Variants in KRCC1 observed in about 807,000 individuals in gnomAD.
The protein encoded by KRCC1 is lysine rich coiled-coil 1.
A neutral mutation model predicts 7.4 loss-of-function variants in KRCC1; 3 were observed. The observed-to-expected ratio is 0.40, with a 90% CI of 0.18 to 1.04. The LOEUF (loss-of-function observed/expected upper bound fraction) is 1.04, where lower values mean the gene tolerates loss of function less well. KRCC1 is among the 50% of genes least tolerant of loss of function. KRCC1 has a pLI of 0.33. For missense variants in KRCC1, 277 were observed against 300.9 expected, an observed-to-expected ratio of 0.92 and a Z score of 0.59; for synonymous variants, 102 against 101.6, an observed-to-expected ratio of 1.00 and a Z score of -0.02.
chr2:88,054,915 G>A (rs563589876), intron 1 of KRCC1, among the ~76,000 whole-genome samples: 6 of 152,288 alleles, frequency 3.9e-5, no homozygotes, highest in Non-Finnish European at 5.9e-5. Flanking sequence ...GCTGCAGCGA[G>A]CTATGATCGC....
chr2:88,041,619 T>G (rs1421777321), intron 1 of KRCC1, among the ~76,000 whole-genome samples: 1 of 152,212 alleles, frequency 6.6e-6, no homozygotes, highest in African/African-American at 2.4e-5. Flanking sequence ...GTACACATGA[T>G]GGGTAACAGG....
chr2:88,046,268 C>T (rs1673331853), intron 1 of KRCC1, among the ~76,000 whole-genome samples: 1 of 152,134 alleles, frequency 6.6e-6, no homozygotes, highest in South Asian at 2.1e-4. Flanking sequence ...AGTTATGTAA[C>T]CCTGGTCAAG....
rs1558833678 is a variant in KRCC1, at chr2:88,040,009, A to T, written c.-290-2958T>A. ...TTGAGACATCTGTCTCTACAAAAAT[A>T]AATCTTTAATAAGAACAGGTAAATA... On this transcript the variant is annotated intron_variant, in intron 1 of 3. Coordinates refer to ENST00000347055, the MANE Select transcript of KRCC1 (RefSeq NM_016618.3). Among the ~76,000 whole-genome samples, 7 of 152,184 alleles carry T rather than the reference A, an allele frequency of 4.6e-5. No individual in the cohort carries two copies. The South Asian group carries it at 1.2e-3, about 27-fold the overall frequency.
At chr2:88,046,197 T>C (rs1673330371) in intron 1 of KRCC1, among the ~76,000 whole-genome samples, 1 of 152,214 alleles carries the variant, frequency 6.6e-6, no homozygotes, top group African/African-American at 2.4e-5. Flanking sequence ...GTTACTTAGC[T>C]CCATTGCTCC....
chr2:88,033,823 A>G (rs72847764), intron 3 of KRCC1, among the ~76,000 whole-genome samples: 27,378 of 152,164 alleles, frequency 0.18, 2,817 homozygotes, highest in Non-Finnish European at 0.23. Context: ...CCACTTAGCA[A>G]TTCCACCCAT....
rs1242492612 is a variant in KRCC1 at position 88,028,255 on chromosome 2, G to C, written c.309C>G (p.Tyr103Ter). 6.2e-7 allele frequency: 1 copy of C among 1,614,190 alleles called. No individual in the cohort carries two copies. Among genetic ancestry groups the C allele is most frequent in the East Asian group, 2.2e-5 (1 of 44,882 alleles). The change falls in exon 4 of 4, where the codon TAC becomes TAG. Residue 103 changes from tyrosine to a stop codon, truncating the protein, a stop_gained. Transcript: ENST00000347055. LOFTEE classifies it low-confidence loss of function (END_TRUNC). ...AGAAACAGTCCCTCGTGAACTGACA[G>C]TAGCTCAGAGAGTCTAGTCTCAATC... Reference protein sequence around the residue: ...DSRLRLDSLSYCQFTRDCFSE... With the variant: ...DSRLRLDSLS
At position 88,036,950 on chromosome 2, in the gene KRCC1, T is replaced by C; in HGVS notation, c.-189A>G. On this transcript the variant is annotated 5_prime_UTR_variant, in exon 2 of 4. Coordinates refer to ENST00000347055, the MANE Select transcript of KRCC1 (RefSeq NM_016618.3). Reference sequence around the variant, plus strand: ...CTTCTATTTTCAACCTACCTCATAATGCAAAATCCTTTGTTATTTGAACTG... The same window carrying C: ...CTTCTATTTTCAACCTACCTCATAACGCAAAATCCTTTGTTATTTGAACTG... 1 of 152,208 alleles carries C rather than the reference T, an allele frequency of 6.6e-6. No homozygotes were observed. Among genetic ancestry groups the C allele is most frequent in the Non-Finnish European group, 1.5e-5 (1 of 68,034 alleles). 9.4% of individuals were successfully genotyped at this position (152,208 alleles called of 1,614,324 possible). A position where few individuals can be genotyped will look rare whatever the true frequency, so the allele number is the denominator to read the frequency against.
chr2:88,043,318 T>G (rs191392817), intron 1 of KRCC1, among the ~76,000 whole-genome samples: 5 of 152,334 alleles, frequency 3.3e-5, no homozygotes, highest in South Asian at 2.1e-4. Context: ...CTTCTTGAAC[T>G]CTAGTCTTAA....
chr2:88,028,032 G>A lies in KRCC1; in HGVS notation c.532C>T (p.His178Tyr), dbSNP rs776410046. The A allele has an allele frequency of 6.2e-7, 1 of 1,613,414 alleles. No homozygotes were observed. Reference sequence around the variant, plus strand: ...TCCTCGCAGCTTTTTTTTCTCTTATGCTTAGACCGCTCCTCCTCTGATTTT... The same window carrying A: ...TCCTCGCAGCTTTTTTTTCTCTTATACTTAGACCGCTCCTCCTCTGATTTT... ...REKSEEERSK[H>Y]KRKKSCEEID... is the part of the protein sequence containing the mutation. Residue 178 changes from histidine to tyrosine, a missense_variant, in exon 4 of 4, where the codon CAT (histidine) becomes TAT (tyrosine). Coordinates refer to ENST00000347055, the MANE Select transcript of KRCC1 (RefSeq NM_016618.3).
chr2:88,051,761 A>G (rs1446021920), intron 1 of KRCC1, among the ~76,000 whole-genome samples: 1 of 152,234 alleles, frequency 6.6e-6, no homozygotes, highest in Non-Finnish European at 1.5e-5. Flanking sequence ...TCAAAGTTTC[A>G]TATGCTTTAT....
At chr2:88,047,956 A>T (rs534367614) in intron 1 of KRCC1, among the ~76,000 whole-genome samples, 1 of 152,162 alleles carries the variant, frequency 6.6e-6, no homozygotes, top group Non-Finnish European at 1.5e-5. Flanking sequence ...CTCTCTAATA[A>T]ATACACCAAA....
Position 88,028,347 on chromosome 2 carries a change from T to A in KRCC1, c.217A>T (p.Arg73Ter), listed in dbSNP as rs1273416827. Residue 73 changes from arginine (R) to a stop codon, truncating the protein, a stop_gained, in exon 4 of 4, where the codon AGA becomes TGA. Coordinates refer to ENST00000347055, the MANE Select transcript of KRCC1 (RefSeq NM_016618.3). LOFTEE classifies it low-confidence loss of function (END_TRUNC). The stretch of plus-strand genomic sequence containing the variant: ...ACTGTTTGTGGAATATTGCATGATC[T>A]TGGGTAGGTCTGGATGGTTTCAGAT... Reference protein sequence around the residue: ...LPSETIQTYPRSCNIPQTVEN... With the variant: ...LPSETIQTYP 6.2e-7 allele frequency: 1 copy of A among 1,614,174 alleles called. No homozygotes were observed. Among genetic ancestry groups the A allele is most frequent in the Non-Finnish European group, 8.5e-7 (1 of 1,180,032 alleles).
At chr2:88,051,764 T>A (rs554648898) in intron 1 of KRCC1, among the ~76,000 whole-genome samples, 1 of 152,374 alleles carries the variant, frequency 6.6e-6, no homozygotes, top group South Asian at 2.1e-4. Flanking sequence ...AAGTTTCATA[T>A]GCTTTATGAA....
Position 88,028,470 on chromosome 2 carries a change from A to G in KRCC1, c.94T>C (p.Cys32Arg). The change falls in exon 4 of 4, where the codon TGT becomes CGT. Residue 32 changes from cysteine to arginine, a missense_variant. Cys to Arg is a radical substitution (Grantham distance 180). Transcript: ENST00000347055. Reference sequence around the variant, plus strand: ...TAGTCCCCTTTCATCTTTCTGAAACAAGTCTTTGGCTCTAAGCCTCTGGCT... The same window carrying G: ...TAGTCCCCTTTCATCTTTCTGAAACGAGTCTTTGGCTCTAAGCCTCTGGCT... ...QKARGLEPKT[C>R]FRKMKGDYLE... 3 of 1,613,976 alleles carry G rather than the reference A, an allele frequency of 1.9e-6. No individual in the cohort carries two copies. The highest frequency in any genetic ancestry group is 2.5e-6 in the Non-Finnish European group (3 of 1,179,888).
chr2:88,029,140 C>T (rs915537748), intron 3 of KRCC1, among the ~76,000 whole-genome samples: 11 of 152,026 alleles, frequency 7.2e-5, no homozygotes, highest in Admixed American at 5.9e-4. Context: ...AGAAAGGAAC[C>T]GATACACATG....
intron 1 of KRCC1, among the ~76,000 whole-genome samples, chr2:88,048,278 C>T (rs1396667747): frequency 6.6e-6 from 1 of 151,986 alleles, no homozygotes; most frequent in Non-Finnish European, 1.5e-5. Context: ...GACAGGGTTT[C>T]ACCATGTTGG....
intron 1 of KRCC1, among the ~76,000 whole-genome samples, chr2:88,037,307 C>T (rs1336862972): frequency 6.6e-6 from 1 of 152,036 alleles, no homozygotes; most frequent in Admixed American, 6.6e-5. Context: ...ACTGGGGCAC[C>T]AATATTGAAA....
chr2:88,049,549 G>A (rs1404735511), intron 1 of KRCC1, among the ~76,000 whole-genome samples: 1 of 152,226 alleles, frequency 6.6e-6, no homozygotes, highest in Non-Finnish European at 1.5e-5. Flanking sequence ...TTAGGAGGCT[G>A]AGGTGGGAGA....
At chr2:88,051,890 C>G (rs905767752) in intron 1 of KRCC1, among the ~76,000 whole-genome samples, 14 of 152,344 alleles carry the variant, frequency 9.2e-5, no homozygotes, top group African/African-American at 3.4e-4. Context: ...GTGCAGGGTT[C>G]TTCAACCTCG....
Sources: gnomAD v4.1 joint callset for allele counts (sites outside exome capture counted in the v4.1 genomes callset) on GRCh38, gnomAD v4.1.1 for gene constraint, MANE v1.5 for transcripts, NCBI Gene and HGNC (gene_info 2026-07-23, HGNC 2026-07-21) for gene names.